The following PRKCH variants were observed in gnomAD, a reference collection of about 807,000 sequenced individuals.
PRKCH encodes protein kinase C eta, also known as protein kinase C eta type.
In PRKCH, 28 loss-of-function variants were observed where a neutral mutation model predicts 82.5. The observed-to-expected ratio is 0.34, with a 90% CI of 0.25 to 0.47. The LOEUF (loss-of-function observed/expected upper bound fraction) is 0.47. Ranked by LOEUF, PRKCH falls within the 20% of genes least tolerant of loss-of-function variation. The pLI, the probability that PRKCH is intolerant of heterozygous loss-of-function variation, is 1.00. For synonymous variants in PRKCH, 322 were observed against 327.4 expected, an observed-to-expected ratio of 0.98 and a Z score of 0.18; for missense variants, 705 against 881.8, an observed-to-expected ratio of 0.80 and a Z score of 2.54.
At chr14:61,207,244 A>G (rs1386139482) in intron 1 of PRKCH, among the ~76,000 whole-genome samples, 1 of 151,586 alleles carries the variant, frequency 6.6e-6, no homozygotes, top group African/African-American at 2.4e-5. Flanking sequence ...GGGAGGGGCA[A>G]CAACTGCCCT....
At chr14:61,245,643 C>T (rs949668990) in intron 1 of PRKCH, among the ~76,000 whole-genome samples, 4 of 52,032 alleles carry the variant, frequency 7.7e-5, no homozygotes, top group Non-Finnish European at 1.5e-4. Context: ...TAAAGGAAGC[C>T]GGTGGGGCAG....
At chr14:61,542,575 C>T (rs1473008277) in intron 12 of PRKCH, among the ~76,000 whole-genome samples, 2 of 152,140 alleles carry the variant, frequency 1.3e-5, no homozygotes, top group Non-Finnish European at 2.9e-5. Flanking sequence ...CACTGCACTA[C>T]TGGAGCCTAG....
At chr14:61,523,251 G>A (rs978310351) in intron 10 of PRKCH, among the ~76,000 whole-genome samples, 2 of 151,850 alleles carry the variant, frequency 1.3e-5, no homozygotes, top group Non-Finnish European at 2.9e-5. Flanking sequence ...CTATGCACAA[G>A]CTAAGAAAAA....
At chr14:61,263,990 A>G (rs957062335) in intron 1 of PRKCH, among the ~76,000 whole-genome samples, 1 of 152,108 alleles carries the variant, frequency 6.6e-6, no homozygotes, top group Non-Finnish European at 1.5e-5. Flanking sequence ...AAGGGCAAAT[A>G]CATGGGCATT....
intron 2 of PRKCH, among the ~76,000 whole-genome samples, chr14:61,419,877 G>A (rs1271408556): frequency 6.6e-6 from 1 of 152,174 alleles, no homozygotes; most frequent in Non-Finnish European, 1.5e-5. Context: ...GTCGAAGGGT[G>A]GTGTCTGCCT....
intron 1 of PRKCH, among the ~76,000 whole-genome samples, chr14:61,237,530 G>A (rs1028425899): frequency 6.6e-6 from 1 of 152,156 alleles, no homozygotes; most frequent in Non-Finnish European, 1.5e-5. Context: ...TCTGAATCCT[G>A]TTACCTGGAG....
At chr14:61,438,898 A>T (rs1050640671) in intron 2 of PRKCH, among the ~76,000 whole-genome samples, 12 of 152,192 alleles carry the variant, frequency 7.9e-5, no homozygotes, top group African/African-American at 2.9e-4. Flanking sequence ...ATTACTCTGC[A>T]CCCTGTGGAT....
chr14:61,302,026 TC>T (rs1300525408), intron 1 of PRKCH, among the ~76,000 whole-genome samples: 1 of 152,228 alleles, frequency 6.6e-6, no homozygotes, highest in East Asian at 1.9e-4. Context: ...TACAGAGTTT[TC>T]CCTGTTCTAT....
chr14:61,293,958 A>C (rs1452334178), intron 1 of PRKCH, among the ~76,000 whole-genome samples: 3 of 152,260 alleles, frequency 2.0e-5, no homozygotes, highest in African/African-American at 7.2e-5. Flanking sequence ...TTTTCATTGC[A>C]TATGTCATCC....
At chr14:61,336,562 A>C (rs1314232348) in intron 1 of PRKCH, among the ~76,000 whole-genome samples, 1 of 152,232 alleles carries the variant, frequency 6.6e-6, no homozygotes, top group African/African-American at 2.4e-5. Flanking sequence ...GAAATAAATC[A>C]AGTTGCAATA....
chr14:61,460,392 C>T (rs746299488), intron 9 of PRKCH, among the ~76,000 whole-genome samples: 20 of 152,124 alleles, frequency 1.3e-4, no homozygotes, highest in Non-Finnish European at 5.9e-5. Flanking sequence ...CTGTATGACA[C>T]ATTATTAGTA....
intron 1 of PRKCH, among the ~76,000 whole-genome samples, chr14:61,253,977 T>TCCTCCCTC (rs547034638): frequency 7.1e-4 from 53 of 74,144 alleles, no homozygotes; most frequent in Admixed American, 1.1e-3. Flanking sequence ...CCTCCCTCCC[T>TCCTCCCTC]CCTCCCTCCC....
intron 10 of PRKCH, among the ~76,000 whole-genome samples, chr14:61,488,390 A>G (rs537411725): frequency 1.1e-4 from 16 of 152,322 alleles, no homozygotes; most frequent in African/African-American, 3.6e-4. Flanking sequence ...GCATTCGTCT[A>G]TTGATTCTTC....
At chr14:61,419,324 A>G (rs557573651) in intron 2 of PRKCH, among the ~76,000 whole-genome samples, 1 of 152,318 alleles carries the variant, frequency 6.6e-6, no homozygotes, top group African/African-American at 2.4e-5. Context: ...TCTTTCCCAA[A>G]TGAAATCTCC....
chr14:61,506,859 A>G (rs780350274), intron 10 of PRKCH, among the ~76,000 whole-genome samples: 9 of 152,184 alleles, frequency 5.9e-5, no homozygotes, highest in Non-Finnish European at 1.3e-4. Context: ...GTGAATGCAC[A>G]TGTCTAAGCC....
chr14:61,312,877 C>CG (rs1193170293), intron 1 of PRKCH, among the ~76,000 whole-genome samples: 1 of 152,160 alleles, frequency 6.6e-6, no homozygotes, highest in Non-Finnish European at 1.5e-5. Context: ...TCTCCCCCCG[C>CG]CTCCCACAGC....
At chr14:61,381,228 C>T (rs1393469183) in intron 1 of PRKCH, among the ~76,000 whole-genome samples, 2 of 152,180 alleles carry the variant, frequency 1.3e-5, no homozygotes, top group Non-Finnish European at 2.9e-5. Context: ...GCCTGGGGCT[C>T]TTTTCCAACC....
chr14:61,367,567 C>T (rs1239434743), intron 1 of PRKCH, among the ~76,000 whole-genome samples: 1 of 151,948 alleles, frequency 6.6e-6, no homozygotes, highest in Non-Finnish European at 1.5e-5. Context: ...GGGGCCAGCC[C>T]CCTAACTCTG....
intron 1 of PRKCH, among the ~76,000 whole-genome samples, chr14:61,312,566 A>T (rs1594904578): frequency 6.6e-6 from 1 of 151,990 alleles, no homozygotes; most frequent in East Asian, 1.9e-4. Context: ...AATTTTTTTT[A>T]AAAAGAGGTT....
Sources: allele counts gnomAD v4.1 joint callset (sites outside exome capture counted in the v4.1 genomes callset), GRCh38; gene constraint gnomAD v4.1.1; transcripts MANE v1.5; gene names NCBI Gene and HGNC (gene_info 2026-07-23, HGNC 2026-07-21).